Variants in NIPSNAP3B observed in about 807,000 individuals in gnomAD.
The protein encoded by NIPSNAP3B is nipsnap homolog 3B.
NIPSNAP3B carries 30 observed loss-of-function variants against 31.5 expected under a neutral mutation model. The ratio of observed to expected loss-of-function variants is 0.95; its 90% CI spans 0.71 to 1.29. The LOEUF (loss-of-function observed/expected upper bound fraction) is 1.29. Among genes scored for constraint, NIPSNAP3B ranks in the 50% most tolerant of loss-of-function variants. The probability of loss-of-function intolerance (pLI) is 0.00; values close to 1 mark genes in which losing one functional copy is unlikely to be tolerated. For synonymous variants in NIPSNAP3B, 106 were observed against 107.9 expected (o/e 0.98, Z 0.11); for missense variants, 269 against 300.7 (o/e 0.89, Z 0.78).
the NIPSNAP3B span, chr9:104,790,844 CA>C: frequency 9.6e-7 from 1 of 1,046,720 alleles, no homozygotes. Flanking sequence ...CCACTGTAAT[CA>C]AAAATAACAA....
chr9:104,788,681 A>C, the NIPSNAP3B span: 212 of 1,290,806 alleles, frequency 1.6e-4, 2 homozygotes, highest in South Asian at 2.5e-3. Context: ...ATACCAATAC[A>C]TCTGCTGCTA....
the NIPSNAP3B span, chr9:104,788,551 G>T: frequency 6.2e-7 from 1 of 1,614,146 alleles, no homozygotes; most frequent in Non-Finnish European, 8.5e-7. Context: ...TGTACTTCAT[G>T]GATGTTTGAT....
the NIPSNAP3B span, chr9:104,785,262 C>G: frequency 8.3e-7 from 1 of 1,205,252 alleles, no homozygotes; most frequent in Non-Finnish European, 1.2e-6. Flanking sequence ...TAGTAAAAAG[C>G]ATAGCTAGGA....
At chr9:104,778,310 A>C (rs1003713899), downstream of NIPSNAP3B, among the ~76,000 whole-genome samples, 1 of 152,062 alleles carries the variant, frequency 6.6e-6, no homozygotes, top group Non-Finnish European at 1.5e-5. Flanking sequence ...AGCTCACTGA[A>C]ACCTCCGCCT....
At chr9:104,769,289 A>G (rs972354522) in intron 3 of NIPSNAP3B, among the ~76,000 whole-genome samples, 2 of 151,954 alleles carry the variant, frequency 1.3e-5, no homozygotes, top group African/African-American at 4.8e-5. Flanking sequence ...CCCCATCTCT[A>G]CCAAAAATAC....
At chr9:104,788,621 T>C in the NIPSNAP3B span, 1 of 1,600,032 alleles carries the variant, frequency 6.2e-7, no homozygotes, top group Non-Finnish European at 8.6e-7. Flanking sequence ...ATACTCTGGT[T>C]AGACAATCTG....
downstream of NIPSNAP3B, among the ~76,000 whole-genome samples, chr9:104,780,153 G>C (rs951060386): frequency 5.9e-5 from 9 of 152,174 alleles, no homozygotes; most frequent in African/African-American, 1.7e-4. Context: ...AAGAAACAGT[G>C]TTCTATGATT....
At chr9:104,786,308 G>T in the NIPSNAP3B span, 1 of 1,613,592 alleles carries the variant, frequency 6.2e-7, no homozygotes, top group South Asian at 1.1e-5. Flanking sequence ...CTATTTTTTA[G>T]ATGCTGGACA....
At chr9:104,787,814 G>A in the NIPSNAP3B span, 1 of 1,610,722 alleles carries the variant, frequency 6.2e-7, no homozygotes, top group African/African-American at 1.3e-5. Context: ...TGTCCCTGGG[G>A]GAAGACAAGC....
chr9:104,773,007 T>G lies in NIPSNAP3B; in HGVS notation c.678T>G (p.Ser226Arg), dbSNP rs771297073. Residue 226 changes from serine to arginine, a missense_variant, in exon 6 of 6, where the codon AGT becomes AGG. Coordinates refer to ENST00000374762, the MANE Select transcript of NIPSNAP3B (RefSeq NM_018376.4). ...DPRVVAAVRE[S>R]VNYLVSQQNM... ...GAAATGTTTTTCCAGTTCGGGAAAG[T>G]GTCAACTACCTAGTTTCTCAGCAGA... The G allele has an allele frequency of 4.3e-6, 7 of 1,613,994 alleles. No homozygotes were observed. Among genetic ancestry groups the G allele is most frequent in the African/African-American group, 1.3e-5 (1 of 74,916 alleles).
chr9:104,766,263 G>T, intron 1 of NIPSNAP3B, 62 bp from the exon 2 acceptor site: 2 of 1,401,232 alleles, frequency 1.4e-6, no homozygotes, highest in Non-Finnish European at 2.0e-6. Context: ...CTCAGATTTG[G>T]TTGTAACCAA....
the NIPSNAP3B span, among the ~76,000 whole-genome samples, chr9:104,788,939 C>T: frequency 9.9e-4 from 151 of 152,344 alleles, no homozygotes; most frequent in African/African-American, 3.5e-3. Context: ...ATGCACCATT[C>T]ACATGCACCA....
chr9:104,789,918 ACC>A, the NIPSNAP3B span, among the ~76,000 whole-genome samples: 1 of 152,006 alleles, frequency 6.6e-6, no homozygotes, highest in Non-Finnish European at 1.5e-5. Context: ...ACATGGTGAA[ACC>A]CCATCTCTAC....
chr9:104,786,441 A>C, the NIPSNAP3B span: 1 of 1,490,138 alleles, frequency 6.7e-7, no homozygotes. Context: ...CTCTGTAACC[A>C]TGAGAACATC....
chr9:104,788,386 T>C, the NIPSNAP3B span: 4 of 1,613,958 alleles, frequency 2.5e-6, no homozygotes, highest in South Asian at 4.4e-5. Context: ...ATTGTCAGGA[T>C]GCCAAAGGAG....
chr9:104,774,269 C>G lies in NIPSNAP3B; in HGVS notation c.*1196C>G, dbSNP rs1264676870. Among the ~76,000 whole-genome samples the G allele has an allele frequency of 6.6e-6, 1 of 152,188 alleles. No homozygotes were observed. On this transcript the variant is annotated 3_prime_UTR_variant, in exon 6 of 6. Transcript: ENST00000374762. The stretch of plus-strand genomic sequence containing the variant: ...GAAAACAAACTGTACAGTTTCCTCT[C>G]ATTTATCAGGCTCTAAGCGATCTGC...
chr9:104,788,184 G>A, the NIPSNAP3B span: 2 of 1,228,830 alleles, frequency 1.6e-6, no homozygotes, highest in South Asian at 1.2e-5. Context: ...GACAACTGGT[G>A]AGGAGCCAAA....
chr9:104,777,774 CTGT>C (rs1828367027), downstream of NIPSNAP3B, among the ~76,000 whole-genome samples: 2 of 151,852 alleles, frequency 1.3e-5, no homozygotes, highest in South Asian at 4.2e-4. Context: ...AGCTGTTGTC[CTGT>C]TTTCTGTTTC....
the NIPSNAP3B span, among the ~76,000 whole-genome samples, chr9:104,787,429 G>A: frequency 2.6e-5 from 4 of 151,684 alleles, no homozygotes; most frequent in African/African-American, 4.9e-5. Context: ...ATTCCAGACC[G>A]AGGTGGAATA....
Sources: gnomAD v4.1 joint callset for allele counts (sites outside exome capture counted in the v4.1 genomes callset) on GRCh38, gnomAD v4.1.1 for gene constraint, MANE v1.5 for transcripts, NCBI Gene and HGNC (gene_info 2026-07-23, HGNC 2026-07-21) for gene names.